ARSG: variants seen among roughly 807,000 people sequenced by gnomAD.
The protein encoded by ARSG is ASG.
Under a neutral mutation model 50.5 loss-of-function variants are expected in ARSG, and 37 were observed. That is an observed-to-expected ratio of 0.73 (90% CI 0.56 to 0.96). ARSG has a LOEUF of 0.96. Ranked by LOEUF, ARSG falls within the 50% of genes least tolerant of loss-of-function variation. The probability of loss-of-function intolerance (pLI) is 0.00; values close to 1 mark genes in which losing one functional copy is unlikely to be tolerated. For synonymous variants in ARSG, 225 were observed against 254.6 expected (o/e 0.88, Z 1.11); for missense variants, 629 against 675.3 (o/e 0.93, Z 0.76).
Position 68,323,036 on chromosome 17 carries a change from G to GCTCT in ARSG, c.218+15342_218+15345dup, listed in dbSNP as rs58760851. On this transcript the variant is annotated intron_variant, in intron 2 of 11. Coordinates refer to ENST00000621439, the MANE Select transcript of ARSG (RefSeq NM_001267727.2). Reference sequence around the variant, plus strand: ...AATAATAATAAATTAATAAGAGAGGGCTCTCTCTCTCTCTCTCTCTGATGT... The same window carrying GCTCT: ...AATAATAATAAATTAATAAGAGAGGGCTCTCTCTCTCTCTCTCTCTCTCTGATGT... 2.8e-4 allele frequency among the ~76,000 whole-genome samples: 42 copies of GCTCT among 147,548 alleles called. 1 individual carries two copies. The highest frequency in any genetic ancestry group is 9.5e-4 in the Admixed American group (14 of 14,714).
chr17:68,309,455 C>CAAA (rs2076757226), intron 2 of ARSG, among the ~76,000 whole-genome samples: 1 of 152,242 alleles, frequency 6.6e-6, no homozygotes, highest in South Asian at 2.1e-4. Flanking sequence ...GGACTGCCAG[C>CAAA]ACGCTGTCAC....
intron 2 of ARSG, among the ~76,000 whole-genome samples, chr17:68,309,886 A>T (rs2076779635): frequency 6.6e-6 from 1 of 151,318 alleles, no homozygotes; most frequent in South Asian, 2.1e-4. Context: ...ATAAAAAAGT[A>T]AATAAATAAA....
the ARSG span, chr17:68,428,813 A>C: frequency 6.3e-7 from 1 of 1,598,486 alleles, no homozygotes; most frequent in Non-Finnish European, 8.6e-7. Context: ...TGTCTTTTGA[A>C]AAGCAGTCTC....
chr17:68,431,815 T>C, the ARSG span, among the ~76,000 whole-genome samples: 3 of 11,602 alleles, frequency 2.6e-4, no homozygotes, highest in African/African-American at 1.4e-3. Context: ...CTGCTCCTGG[T>C]CACCTGTGCT....
At chr17:68,269,744 G>A (rs1360678010) in intron 1 of ARSG, among the ~76,000 whole-genome samples, 1 of 141,722 alleles carries the variant, frequency 7.1e-6, no homozygotes, top group Non-Finnish European at 1.5e-5. Context: ...TGCAATCTCA[G>A]GTCACTGCAA....
chr17:68,349,926 T>C (rs2078682709), intron 4 of ARSG, among the ~76,000 whole-genome samples: 1 of 152,168 alleles, frequency 6.6e-6, no homozygotes, highest in African/African-American at 2.4e-5. Flanking sequence ...TTATTCTACA[T>C]ACACCACATA....
intron 1 of ARSG, chr17:68,270,704 C>T (rs782814812): frequency 1.3e-6 from 1 of 754,886 alleles, no homozygotes; most frequent in African/African-American, 1.8e-5. Flanking sequence ...CTCAGGTAAT[C>T]TCTAATCCCT....
intron 1 of ARSG, chr17:68,268,901 C>CAA (rs879950263): frequency 1.6e-4 from 161 of 1,005,524 alleles, no homozygotes; most frequent in Admixed American, 1.4e-3. Context: ...TAAAAACAAG[C>CAA]AAAAAAAAAA....
downstream of ARSG, chr17:68,426,119 C>T (rs1461485962): frequency 1.2e-6 from 2 of 1,612,612 alleles, no homozygotes; most frequent in East Asian, 2.2e-5. Flanking sequence ...GGTCCCGTCG[C>T]AAACTCATGT....
chr17:68,388,700 G>A (rs1412402230), intron 9 of ARSG, among the ~76,000 whole-genome samples: 1 of 152,100 alleles, frequency 6.6e-6, no homozygotes, highest in African/African-American at 2.4e-5. Flanking sequence ...GCCGAGGCGG[G>A]CGGATCATGA....
At chr17:68,442,857 C>T in the ARSG span, among the ~76,000 whole-genome samples, 3 of 152,172 alleles carry the variant, frequency 2.0e-5, no homozygotes, top group African/African-American at 7.2e-5. Context: ...GAAGGGAACT[C>T]GTGACAACTA....
intron 8 of ARSG, among the ~76,000 whole-genome samples, chr17:68,371,720 T>C (rs534937042): frequency 1.3e-5 from 2 of 152,320 alleles, no homozygotes; most frequent in African/African-American, 4.8e-5. Flanking sequence ...ATTTTTTTCA[T>C]AGTTGGACAT....
At chr17:68,413,058 T>C (rs1158918294) in intron 11 of ARSG, among the ~76,000 whole-genome samples, 4 of 151,928 alleles carry the variant, frequency 2.6e-5, no homozygotes, top group African/African-American at 4.8e-5. Flanking sequence ...TCTTTGCCTT[T>C]GGTTTGAATG....
chr17:68,349,328 T>G (rs2078650506), intron 4 of ARSG, among the ~76,000 whole-genome samples: 1 of 152,118 alleles, frequency 6.6e-6, no homozygotes, highest in African/African-American at 2.4e-5. Flanking sequence ...ACAGCCAATA[T>G]GTACAGTCAT....
At chr17:68,422,993 T>TGTCAGTATG (rs2082908734), downstream of ARSG, among the ~76,000 whole-genome samples, 2 of 152,070 alleles carry the variant, frequency 1.3e-5, no homozygotes. Flanking sequence ...CGCAGGGAAG[T>TGTCAGTATG]GTCAGTATGT....
At chr17:68,382,194 C>T (rs572301935) in intron 8 of ARSG, among the ~76,000 whole-genome samples, 27 of 152,284 alleles carry the variant, frequency 1.8e-4, no homozygotes, top group African/African-American at 6.5e-4. Flanking sequence ...ATCTGCCCAC[C>T]TCAGCCTCCC....
chr17:68,290,892 G>A (rs532672644), upstream of ARSG, among the ~76,000 whole-genome samples: 1 of 145,332 alleles, frequency 6.9e-6, no homozygotes, highest in African/African-American at 2.6e-5. Context: ...GCGCGAGCGC[G>A]TCATCCCGGT....
chr17:68,260,856 A>G (rs1334651541), intron 1 of ARSG, among the ~76,000 whole-genome samples: 4 of 151,594 alleles, frequency 2.6e-5, no homozygotes, highest in Admixed American at 6.6e-5. Flanking sequence ...AGCATTATGG[A>G]AAAAAAAAGT....
In ARSG at chr17:68,271,276, A is replaced by G; in HGVS notation, c.-552+11850A>G. On this transcript the variant is annotated intron_variant, in intron 1 of 11. Transcript: ENST00000448504. This position sits in a 1 kb window ranked among gnomAD's most constrained non-coding sequence, Gnocchi z 5.3. ...AAAGAGACCAAATAATGCATAACAA[A>G]TAAAACTTTTCTCTTTCAAAATGGA... The G allele has an allele frequency of 6.2e-7, 1 of 1,614,224 alleles. No individual in the cohort carries two copies. Among genetic ancestry groups the G allele is most frequent in the Non-Finnish European group, 8.5e-7 (1 of 1,180,040 alleles).
Sources: gnomAD v4.1 joint callset for allele counts (sites outside exome capture counted in the v4.1 genomes callset) on GRCh38, gnomAD v4.1.1 for gene constraint, Gnocchi (gnomAD v3.1) non-coding constraint, MANE v1.5 for transcripts, NCBI Gene and HGNC (gene_info 2026-07-23, HGNC 2026-07-21) for gene names.